FLG2: variants seen among roughly 807,000 people sequenced by gnomAD.
The protein encoded by FLG2 is filaggrin 2.
In FLG2, 7 loss-of-function variants were observed where a neutral mutation model predicts 3.9. The observed-to-expected ratio is 1.79, with a 90% CI of 1.02 to 3.36. The LOEUF is 3.36. FLG2 is among the 30% of genes most tolerant of loss of function. FLG2 has a pLI of 0.00. For missense variants in FLG2, 2,700 were observed against 2,809.4 expected (o/e 0.96, Z 0.88); for synonymous variants, 1,031 against 1,056.1 (o/e 0.98, Z 0.46).
In FLG2 at chr1:152,357,281, A is replaced by G. The variant is rs1180659287; in HGVS notation, c.505T>C (p.Ser169Pro). ...GATCCCTCTTGGTTCCCAGAGCTGG[A>G]TAAATTACCTTGTCTTCCTAGCCTC... ...SRRLGRQGNL[S>P]SSGNQEGSQK... The change falls in exon 3 of 3, where the codon TCC becomes CCC. Residue 169 changes from serine to proline, a missense_variant. By Grantham distance (74) the Ser-to-Pro change is moderately conservative. Transcript: ENST00000388718. 5 of 1,614,166 alleles carry G rather than the reference A, an allele frequency of 3.1e-6. No individual in the cohort carries two copies. Among genetic ancestry groups the G allele is most frequent in the South Asian group, 1.1e-5 (1 of 91,066 alleles).
rs1033740703 is a variant in FLG2 at position 152,357,696 on chromosome 1, T to A, written c.139-49A>T. The stretch of plus-strand genomic sequence containing the variant: ...GGAGACCTGGTCAGCCTAACCTGCA[T>A]ACTCAACTAACACATTTAAATAGCG... On this transcript the variant is annotated intron_variant, in intron 2 of 2. Coordinates refer to ENST00000388718, the MANE Select transcript of FLG2 (RefSeq NM_001014342.3). 8.4e-6 allele frequency: 11 copies of A among 1,310,564 alleles called. No homozygotes were observed. In the African/African-American group the frequency reaches 1.6e-4, roughly 19 times the overall value. The allele number at this position is 1,310,564 out of a possible 1,614,324, so 81.2% of individuals were successfully genotyped here. A position where few individuals can be genotyped will look rare whatever the true frequency, so the allele number is the denominator to read the frequency against.
rs1653922646 is a variant in FLG2 at position 152,351,552 on chromosome 1, A to G, written c.6234T>C (p.Asp2078=). 3 of 1,611,336 alleles carry G rather than the reference A, an allele frequency of 1.9e-6. No homozygotes were observed. Among genetic ancestry groups the G allele is most frequent in the Admixed American group, 1.7e-5 (1 of 59,660 alleles). ...GACCAGAGTGAGCATGTCTAGTGGT[A>G]TCTCCTGTCTGTCCATGAGTAGTTC... is the stretch of plus-strand genomic sequence containing the variant. ...RHGTTHGQTG[D]TTRHAHSGHG... The change falls in exon 3 of 3, where the codon GAT becomes GAC. Residue 2078 remains aspartate (D), a synonymous_variant. Transcript: ENST00000388718.
Position 152,353,775 on chromosome 1 carries a change from G to C in FLG2, c.4011C>G (p.Ser1337=). The change falls in exon 3 of 3, where the codon TCC becomes TCG. Residue 1337 remains serine (S), a synonymous_variant. Transcript: ENST00000388718. ...TAAATCTCTGTCTTCCAGATGTTCT[G>C]GAACCTGTCTGTGTAGACTGTCCAT... ...SGHGQSTQTG[S]RTSGRQRFSH... is the part of the protein sequence containing the mutation. 6.2e-7 allele frequency: 1 copy of C among 1,614,058 alleles called. No homozygotes were observed. The highest frequency in any genetic ancestry group is 8.5e-7 in the Non-Finnish European group (1 of 1,180,008).
Position 152,353,789 on chromosome 1 carries a change from T to C in FLG2, c.3997A>G (p.Thr1333Ala). 1 of 1,614,144 alleles carries C rather than the reference T, an allele frequency of 6.2e-7. No individual in the cohort carries two copies. The highest frequency in any genetic ancestry group is 8.5e-7 in the Non-Finnish European group (1 of 1,180,004). Reference protein sequence around the residue: ...RHGHSGHGQSTQTGSRTSGRQ... With the variant: ...RHGHSGHGQSAQTGSRTSGRQ... ...CCAGATGTTCTGGAACCTGTCTGTGTAGACTGTCCATGACCAGAATGGCCA... is the reference window on the plus strand; with the variant it reads ...CCAGATGTTCTGGAACCTGTCTGTGCAGACTGTCCATGACCAGAATGGCCA... The change falls in exon 3 of 3, where the codon ACA (threonine) becomes GCA (alanine). Residue 1333 changes from threonine (T) to alanine (A), a missense_variant. Physicochemically the swap from Thr to Ala is moderately conservative, Grantham distance 58 (BLOSUM62 0). Transcript: ENST00000388718.
chr1:152,356,598 A>G lies in FLG2; in HGVS notation c.1188T>C (p.His396=). 6.2e-7 allele frequency: 1 copy of G among 1,614,200 alleles called. No homozygotes were observed. Among genetic ancestry groups the G allele is most frequent in the South Asian group, 1.1e-5 (1 of 91,088 alleles). Residue 396 remains histidine, a synonymous_variant, in exon 3 of 3, where the codon CAT becomes CAC. Transcript: ENST00000388718. ...GGSQSCSNGQ[H]EYGSCGRFSN... Reference sequence around the variant, plus strand: ...AAAAGCGGCCACAGGAACCATATTCATGTTGACCATTACTACAAGACTGGC... The same window carrying G: ...AAAAGCGGCCACAGGAACCATATTCGTGTTGACCATTACTACAAGACTGGC...
rs1654124387 is a variant in FLG2, at chr1:152,354,683, A to G, written c.3103T>C (p.Tyr1035His). The change falls in exon 3 of 3, where the codon TAC becomes CAC. Residue 1035 changes from tyrosine to histidine, a missense_variant. Transcript: ENST00000388718. ...FGQHRSSSGQ[Y>H]SGFGQHGSGS... is the part of the protein sequence containing the mutation. ...GATCCATGTTGTCCAAAGCCTGAGT[A>G]TTGGCCTGAGCTTGACCTGTGTTGT... 1 of 1,610,632 alleles carries G rather than the reference A, an allele frequency of 6.2e-7. No individual in the cohort carries two copies. The highest frequency in any genetic ancestry group is 8.5e-7 in the Non-Finnish European group (1 of 1,177,352).
Position 152,357,232 on chromosome 1 carries a change from C to T in FLG2, c.554G>A (p.Ser185Asn). Residue 185 changes from serine to asparagine, a missense_variant, in exon 3 of 3, where the codon AGC (serine) becomes AAC (asparagine). Ser to Asn is a conservative substitution (Grantham distance 46, BLOSUM62 1). Coordinates refer to ENST00000388718, the MANE Select transcript of FLG2 (RefSeq NM_001014342.3). ...GCCACCACTCCATGAATGACCACAG[C>T]TGGACCTGTGGTATCTTTTCTGAGA... ...EGSQKRYHRS[S>N]CGHSWSGGKD... is the part of the protein sequence containing the mutation. 1 of 1,614,238 alleles carries T rather than the reference C, an allele frequency of 6.2e-7. No individual in the cohort carries two copies. The highest frequency in any genetic ancestry group is 8.5e-7 in the Non-Finnish European group (1 of 1,180,044).
rs765465815 is a variant in FLG2, at chr1:152,352,307, CGTGA to C, written c.5475_5478del (p.His1826AlafsTer13). The C allele has an allele frequency of 4.3e-6, 7 of 1,613,416 alleles. 1 individual carries two copies. In the South Asian group the frequency reaches 6.6e-5, roughly 15 times the overall value. ...TCTCCATGTTGAGATCCAGCCTGGC[CGTGA>C]GTGTGTCCTCGTGAGTGTGGTCTTT... On this transcript the variant is annotated frameshift_variant, in exon 3 of 3. Coordinates refer to ENST00000388718, the MANE Select transcript of FLG2 (RefSeq NM_001014342.3). LOFTEE classifies it low-confidence loss of function (END_TRUNC).
Position 152,356,119 on chromosome 1 carries a change from T to C in FLG2, c.1667A>G (p.Tyr556Cys), listed in dbSNP as rs773684947. The change falls in exon 3 of 3, where the codon TAT becomes TGT. Residue 556 changes from tyrosine (Y) to cysteine (C), a missense_variant. Tyr to Cys is a radical substitution (Grantham distance 194). Coordinates refer to ENST00000388718, the MANE Select transcript of FLG2 (RefSeq NM_001014342.3). ...TGTCTCTCTAGACCCATATTGGCCA[T>C]AGCCAGATGATTGACTTGAGCCAGA... Reference protein sequence around the residue: ...HGSGSSQSSGYGQYGSRETSG... With the variant: ...HGSGSSQSSGCGQYGSRETSG... 1 of 1,613,818 alleles carries C rather than the reference T, an allele frequency of 6.2e-7. No individual in the cohort carries two copies. Among genetic ancestry groups the C allele is most frequent in the South Asian group, 1.1e-5 (1 of 91,068 alleles).
At position 152,357,035 on chromosome 1, in the gene FLG2, A is replaced by T; in HGVS notation, c.751T>A (p.Ser251Thr). 1.2e-6 allele frequency: 2 copies of T among 1,614,186 alleles called. No individual in the cohort carries two copies. The highest frequency in any genetic ancestry group is 1.7e-6 in the Non-Finnish European group (2 of 1,180,024). The change falls in exon 3 of 3, where the codon TCA (serine) becomes ACA (threonine). Residue 251 changes from serine to threonine, a missense_variant. Physicochemically the swap from Ser to Thr is moderately conservative, Grantham distance 58 (BLOSUM62 1). Transcript: ENST00000388718. ...SCGLETSGHESNSTQSRIREQ... is the reference protein window; with the variant it reads ...SCGLETSGHETNSTQSRIREQ... ...CTAATTCTTGACTGAGTAGAGTTTGATTCATGCCCACTAGTCTCCAATCCA... is the reference window on the plus strand; with the variant it reads ...CTAATTCTTGACTGAGTAGAGTTTGTTTCATGCCCACTAGTCTCCAATCCA...
Position 152,356,616 on chromosome 1 carries a change from A to G in FLG2, c.1170T>C (p.Ser390=), listed in dbSNP as rs772068970. The part of the protein sequence containing the change: ...CGQYGSGGSQ[S]CSNGQHEYGS... Reference sequence around the variant, plus strand: ...CATATTCATGTTGACCATTACTACAAGACTGGCTACCTCCAGACCCATATT... The same window carrying G: ...CATATTCATGTTGACCATTACTACAGGACTGGCTACCTCCAGACCCATATT... The change falls in exon 3 of 3, where the codon TCT becomes TCC. Residue 390 remains serine, a synonymous_variant. Coordinates refer to ENST00000388718, the MANE Select transcript of FLG2 (RefSeq NM_001014342.3). 6.2e-7 allele frequency: 1 copy of G among 1,613,972 alleles called. No homozygotes were observed. The highest frequency in any genetic ancestry group is 1.1e-5 in the South Asian group (1 of 91,068).
In FLG2 at chr1:152,356,488, C is replaced by G. The variant is rs1654238284; in HGVS notation, c.1298G>C (p.Gly433Ala). The G allele has an allele frequency of 2.5e-6, 4 of 1,614,138 alleles. No individual in the cohort carries two copies. The South Asian group carries it at 4.4e-5, about 18-fold the overall frequency. ...SSQSTSFEQH[G>A]TGLSQSSGFE... ...CCCAGAGGACTGACTCAAGCCTGTTCCATGTTGTTCAAAGCTAGTAGACTG... is the reference window on the plus strand; with the variant it reads ...CCCAGAGGACTGACTCAAGCCTGTTGCATGTTGTTCAAAGCTAGTAGACTG... Residue 433 changes from glycine to alanine, a missense_variant, in exon 3 of 3, where the codon GGA becomes GCA. Physicochemically the swap from Gly to Ala is moderately conservative, Grantham distance 60 (BLOSUM62 0). Coordinates refer to ENST00000388718, the MANE Select transcript of FLG2 (RefSeq NM_001014342.3).
chr1:152,355,735 T>C lies in FLG2; in HGVS notation c.2051A>G (p.His684Arg), dbSNP rs753358861. 2.2e-5 allele frequency: 35 copies of C among 1,613,820 alleles called. No homozygotes were observed. Among genetic ancestry groups the C allele is most frequent in the Non-Finnish European group, 2.1e-5 (25 of 1,180,008 alleles). ...GCTAGAATGACCTGATCTAGACTCA[T>C]GTTGTCCAAAACCAGAGGATTGTCC... ...GSGQSSGFGQ[H>R]ESRSGHSSYG... Residue 684 changes from histidine to arginine, a missense_variant, in exon 3 of 3, where the codon CAT becomes CGT. By Grantham distance (29) the His-to-Arg change is conservative. Transcript: ENST00000388718.
chr1:152,355,843 C>T lies in FLG2; in HGVS notation c.1943G>A (p.Gly648Asp), dbSNP rs371035379. Residue 648 changes from glycine to aspartate, a missense_variant, in exon 3 of 3, where the codon GGC (glycine) becomes GAC (aspartate). Transcript: ENST00000388718. ...QTSGFGQHGS[G>D]SSQSTGFGQY... ...GCCAAAGCCAGTGGATTGACTTGAG[C>T]CTGACCCATGTTGTCCAAAGCCAGA... 11 of 1,612,750 alleles carry T rather than the reference C, an allele frequency of 6.8e-6. No individual in the cohort carries two copies. Among genetic ancestry groups the T allele is most frequent in the Non-Finnish European group, 8.5e-6 (10 of 1,179,800 alleles).
Position 152,350,558 on chromosome 1 carries a change from C to G in FLG2, c.*52G>C. 6.4e-6 allele frequency: 10 copies of G among 1,556,516 alleles called. No individual in the cohort carries two copies. The South Asian group carries it at 7.6e-5, about 12-fold the overall frequency. On this transcript the variant is annotated 3_prime_UTR_variant, in exon 3 of 3. Coordinates refer to ENST00000388718, the MANE Select transcript of FLG2 (RefSeq NM_001014342.3). Reference sequence around the variant, plus strand: ...TGTTCATGATTTAAACTGTGTCTTCCTGTTCTTTTAGTTGCTTTGGATACT... The same window carrying G: ...TGTTCATGATTTAAACTGTGTCTTCGTGTTCTTTTAGTTGCTTTGGATACT...
In FLG2 at chr1:152,356,205, T is replaced by C. The variant is rs1654223633; in HGVS notation, c.1581A>G (p.Gln527=). 2 of 1,612,150 alleles carry C rather than the reference T, an allele frequency of 1.2e-6. No individual in the cohort carries two copies. Among genetic ancestry groups the C allele is most frequent in the South Asian group, 1.1e-5 (1 of 90,888 alleles). ...ACTCATGTTGTCCAAAACCAGAGGATTGTCCTGAGACAGACCCATGCTGTC... is the reference window on the plus strand; with the variant it reads ...ACTCATGTTGTCCAAAACCAGAGGACTGTCCTGAGACAGACCCATGCTGTC... ...GFGQHGSVSG[Q]SSGFGQHESR... is the part of the protein sequence containing the mutation. Residue 527 remains glutamine (Q), a synonymous_variant, in exon 3 of 3, where the codon CAA becomes CAG. Transcript: ENST00000388718.
Position 152,357,138 on chromosome 1 carries a change from A to G in FLG2, c.648T>C (p.Ser216=), listed in dbSNP as rs1654269567. The change falls in exon 3 of 3, where the codon TCT becomes TCC. Residue 216 remains serine (S), a synonymous_variant. Coordinates refer to ENST00000388718, the MANE Select transcript of FLG2 (RefSeq NM_001014342.3). ...ATTCATACTCCTCCCCAGATTCCCT[A>G]GAAGGGCTAATGTGTGACTTGTTTA... ...ERINKSHISP[S]RESGEEYESG... is the part of the protein sequence containing the mutation. 1 of 1,613,968 alleles carries G rather than the reference A, an allele frequency of 6.2e-7. No homozygotes were observed. Among genetic ancestry groups the G allele is most frequent in the Admixed American group, 1.7e-5 (1 of 60,000 alleles).
chr1:152,352,332 T>C lies in FLG2; in HGVS notation c.5454A>G (p.Arg1818=), dbSNP rs1557895345. 1.4e-5 allele frequency: 22 copies of C among 1,612,968 alleles called. No individual in the cohort carries two copies. Among genetic ancestry groups the C allele is most frequent in the Non-Finnish European group, 1.8e-5 (21 of 1,179,710 alleles). ...CGTGAGTGTGTCCTCGTGAGTGTGGTCTTTGTGAGAACCCTGAGTGCCCTT... is the reference window on the plus strand; with the variant it reads ...CGTGAGTGTGTCCTCGTGAGTGTGGCCTTTGTGAGAACCCTGAGTGCCCTT... ...DSEGHSGFSQ[R]PHSRGHTHGQ... Residue 1818 remains arginine, a synonymous_variant, in exon 3 of 3, where the codon AGA becomes AGG. Transcript: ENST00000388718.
Position 152,353,038 on chromosome 1 carries a change from T to A in FLG2, c.4748A>T (p.Glu1583Val), listed in dbSNP as rs763587904. Residue 1583 changes from glutamate (E) to valine (V), a missense_variant, in exon 3 of 3, where the codon GAA becomes GTA. Coordinates refer to ENST00000388718, the MANE Select transcript of FLG2 (RefSeq NM_001014342.3). Reference sequence around the variant, plus strand: ...TCTGTGTGAGCCCCCTGAGTGCACTTCACTGTCAGTGGACTCACTGTGGCT... The same window carrying A: ...TCTGTGTGAGCCCCCTGAGTGCACTACACTGTCAGTGGACTCACTGTGGCT... ...RTSHSESTDS[E>V]VHSGGSHRPH... 6.2e-7 allele frequency: 1 copy of A among 1,613,500 alleles called. No individual in the cohort carries two copies. Among genetic ancestry groups the A allele is most frequent in the East Asian group, 2.2e-5 (1 of 44,806 alleles).
Sources: allele counts gnomAD v4.1 joint callset, GRCh38; gene constraint gnomAD v4.1.1; transcripts MANE v1.5; gene names NCBI Gene and HGNC (gene_info 2026-07-23, HGNC 2026-07-21).